UHRF2: variants seen among roughly 807,000 people sequenced by gnomAD.
UHRF2 encodes ubiquitin like with PHD and ring finger domains 2.
In UHRF2, 23 loss-of-function variants were observed where a neutral mutation model predicts 96.8. That is an observed-to-expected ratio of 0.24 (90% CI 0.17 to 0.34). UHRF2 has a LOEUF of 0.34. Among genes scored for constraint, UHRF2 ranks in the 10% least tolerant of loss-of-function variants. The probability of loss-of-function intolerance (pLI) is 1.00; values close to 1 mark genes in which losing one functional copy is unlikely to be tolerated. For missense variants in UHRF2, 685 were observed against 981.5 expected, an observed-to-expected ratio of 0.70 and a Z score of 4.04; for synonymous variants, 385 against 332.6, an observed-to-expected ratio of 1.16 and a Z score of -1.72.
chr9:6,475,767 A>G (rs1023417822), intron 5 of UHRF2, among the ~76,000 whole-genome samples: 2 of 152,138 alleles, frequency 1.3e-5, no homozygotes, highest in African/African-American at 2.4e-5. Flanking sequence ...TAATAGTTGT[A>G]GATATTTAAG....
chr9:6,497,924 A>G (rs1457101240), intron 11 of UHRF2, 94 bp from the exon 12 acceptor site: 1 of 1,476,726 alleles, frequency 6.8e-7, no homozygotes, highest in South Asian at 1.3e-5. Flanking sequence ...CAGAAGTTGC[A>G]TTTAGTTCTG....
At chr9:6,470,811 C>T (rs1823200183) in intron 4 of UHRF2, among the ~76,000 whole-genome samples, 1 of 152,060 alleles carries the variant, frequency 6.6e-6, no homozygotes, top group African/African-American at 2.4e-5. Context: ...AACAAATTAA[C>T]ACACTGAAAG....
rs1587759928 is a variant in UHRF2, at chr9:6,420,775, T to C, written c.154-137T>C. Reference sequence around the variant, plus strand: ...AGAAGACACTGACATCAGAGGCCATTAAGTATTAAGAATGGTTTTAAAATC... The same window carrying C: ...AGAAGACACTGACATCAGAGGCCATCAAGTATTAAGAATGGTTTTAAAATC... On this transcript the variant is annotated intron_variant, in intron 1 of 15. Coordinates refer to ENST00000276893, the MANE Select transcript of UHRF2 (RefSeq NM_152896.3). The C allele has an allele frequency of 1.2e-5, 8 of 648,456 alleles. No individual in the cohort carries two copies. In the East Asian group the frequency reaches 1.9e-4, roughly 16 times the overall value. The allele number at this position is 648,456 out of a possible 1,614,324, so 40.2% of individuals were successfully genotyped here. A position where few individuals can be genotyped will look rare whatever the true frequency, so the allele number is the denominator to read the frequency against.
intron 3 of UHRF2, 75 bp downstream of exon 3, chr9:6,434,248 T>G: frequency 6.8e-7 from 1 of 1,474,464 alleles, no homozygotes; most frequent in Non-Finnish European, 9.0e-7. Flanking sequence ...TTCAAGATTA[T>G]TTTAAATAGT....
intron 7 of UHRF2, 62 bp downstream of exon 7, chr9:6,481,828 C>G: frequency 6.4e-7 from 1 of 1,568,556 alleles, no homozygotes; most frequent in Non-Finnish European, 8.6e-7. Context: ...GTTTTAATAC[C>G]AATAGTAGTA....
intron 14 of UHRF2, 135 bp downstream of exon 14, chr9:6,500,844 T>C: frequency 1.3e-6 from 1 of 771,934 alleles, no homozygotes; most frequent in Non-Finnish European, 2.0e-6. Context: ...TGCCACTACC[T>C]TTCAGAAATA....
chr9:6,503,909 A>G (rs556681975), intron 14 of UHRF2, among the ~76,000 whole-genome samples: 40 of 151,604 alleles, frequency 2.6e-4, no homozygotes, highest in African/African-American at 9.5e-4. Context: ...TTCCTACCCA[A>G]TACTCTGATT....
intron 3 of UHRF2, among the ~76,000 whole-genome samples, chr9:6,442,392 C>A (rs1311580859): frequency 2.0e-5 from 3 of 152,190 alleles, no homozygotes; most frequent in Non-Finnish European, 2.9e-5. Flanking sequence ...CTGGTCATTA[C>A]AGAATAATCA....
chr9:6,422,081 G>A (rs1819962316), intron 2 of UHRF2, among the ~76,000 whole-genome samples: 1 of 152,134 alleles, frequency 6.6e-6, no homozygotes, highest in African/African-American at 2.4e-5. Flanking sequence ...TGGTGCATAT[G>A]TTCAAGAATT....
intron 3 of UHRF2, among the ~76,000 whole-genome samples, chr9:6,450,192 GT>G (rs1476435308): frequency 6.6e-6 from 1 of 151,880 alleles, no homozygotes; most frequent in Non-Finnish European, 1.5e-5. Context: ...AATGTTCATA[GT>G]TCCTTAATTA....
In UHRF2 at chr9:6,460,753, A is replaced by G. The variant is rs1293566381; in HGVS notation, c.825A>G (p.Ser275=). Residue 275 remains serine, a synonymous_variant, in exon 4 of 16, where the codon TCA becomes TCG. Transcript: ENST00000276893. ...DAEITTLKTI[S]RTKKELRVKI... is the part of the protein sequence containing the mutation. ...AAATTACCACATTGAAGACAATCTC[A>G]AGGACCAAAAAAGAACTTCGTGTGA... The G allele has an allele frequency of 1.9e-6, 3 of 1,611,712 alleles. No individual in the cohort carries two copies.
chr9:6,436,243 C>T (rs1007066614), intron 3 of UHRF2, among the ~76,000 whole-genome samples: 2 of 152,088 alleles, frequency 1.3e-5, no homozygotes, highest in Non-Finnish European at 2.9e-5. Flanking sequence ...AAAAGTAGAT[C>T]CCTTTAATCT....
chr9:6,446,133 C>T (rs574045296), intron 3 of UHRF2, among the ~76,000 whole-genome samples: 1 of 150,134 alleles, frequency 6.7e-6, no homozygotes, highest in African/African-American at 2.4e-5. Flanking sequence ...ACTAGGACTA[C>T]AGGCATACGT....
intron 15 of UHRF2, 105 bp from the exon 16 acceptor site, chr9:6,505,928 A>T (rs1816556773): frequency 6.0e-6 from 7 of 1,176,130 alleles, no homozygotes; most frequent in Non-Finnish European, 8.5e-6. Context: ...CATTCTGTAC[A>T]TTTCTCTCAT....
At chr9:6,437,226 TTTTTA>T (rs1587790402) in intron 3 of UHRF2, among the ~76,000 whole-genome samples, 1 of 152,122 alleles carries the variant, frequency 6.6e-6, no homozygotes, top group Non-Finnish European at 1.5e-5. Context: ...ATAAGCAGAT[TTTTTA>T]TTTTATTATT....
intron 2 of UHRF2, 116 bp from the exon 3 acceptor site, chr9:6,433,798 T>A: frequency 9.7e-7 from 1 of 1,031,654 alleles, no homozygotes; most frequent in South Asian, 1.7e-5. Context: ...ACTTTAAACA[T>A]GAGTAGCTGC....
chr9:6,504,415 G>GT (rs746181764), intron 14 of UHRF2, 178 bp from the exon 15 acceptor site: 4 of 474,576 alleles, frequency 8.4e-6, no homozygotes, highest in Non-Finnish European at 1.1e-5. Context: ...ATTTTGATAT[G>GT]TTCATATAAC....
At chr9:6,495,193 G>A (rs912374009) in intron 10 of UHRF2, 6 of 152,142 alleles carry the variant, frequency 3.9e-5, no homozygotes, top group African/African-American at 9.7e-5. Context: ...TAATGTACAT[G>A]TTAAGATTCC....
chr9:6,427,617 G>A (rs1820331136), intron 2 of UHRF2, among the ~76,000 whole-genome samples: 1 of 152,136 alleles, frequency 6.6e-6, no homozygotes, highest in Admixed American at 6.5e-5. Context: ...CCCAGGAGGT[G>A]GAGGTTTCAG....
Sources: gnomAD v4.1 joint callset for allele counts (sites outside exome capture counted in the v4.1 genomes callset) on GRCh38, gnomAD v4.1.1 for gene constraint, MANE v1.5 for transcripts, NCBI Gene and HGNC (gene_info 2026-07-23, HGNC 2026-07-21) for gene names.